The following WWOX variants were observed in gnomAD, a reference collection of about 807,000 sequenced individuals.
The protein encoded by WWOX is WW domain-containing oxidoreductase.
A neutral mutation model predicts 46.2 loss-of-function variants in WWOX; 69 were observed. The ratio of observed to expected loss-of-function variants is 1.49; its 90% CI spans 1.23 to 1.82. The LOEUF is 1.82. WWOX is among the 40% of genes most tolerant of loss of function. WWOX has a pLI of 0.00. For synonymous variants in WWOX, 359 were observed against 202.6 expected, an observed-to-expected ratio of 1.77 and a Z score of -6.56; for missense variants, 919 against 542.6, an observed-to-expected ratio of 1.69 and a Z score of -6.89.
At chr16:78,651,621 G>A (rs1306540048) in intron 8 of WWOX, among the ~76,000 whole-genome samples, 2 of 152,160 alleles carry the variant, frequency 1.3e-5, no homozygotes, top group East Asian at 3.9e-4. Context: ...CAGTGCTATT[G>A]CTCACACAGA....
chr16:78,627,828 G>A (rs2548864), intron 8 of WWOX, among the ~76,000 whole-genome samples: 4 of 152,226 alleles, frequency 2.6e-5, no homozygotes, highest in African/African-American at 9.6e-5. Context: ...CTGACAAGAT[G>A]ATGCCGACTT....
At chr16:78,969,718 A>G (rs1231062618) in intron 8 of WWOX, among the ~76,000 whole-genome samples, 1 of 152,220 alleles carries the variant, frequency 6.6e-6, no homozygotes, top group Non-Finnish European at 1.5e-5. Context: ...CATGTTGAAA[A>G]CATTGTACTA....
At chr16:78,750,715 G>A (rs951022167) in intron 8 of WWOX, among the ~76,000 whole-genome samples, 1 of 152,216 alleles carries the variant, frequency 6.6e-6, no homozygotes, top group Non-Finnish European at 1.5e-5. Flanking sequence ...GCAGTGTTGA[G>A]CTTCGACTTG....
At chr16:78,358,701 C>T (rs1355432441) in intron 5 of WWOX, among the ~76,000 whole-genome samples, 1 of 151,426 alleles carries the variant, frequency 6.6e-6, no homozygotes, top group Non-Finnish European at 1.5e-5. Flanking sequence ...TGTGTATGTA[C>T]ATGAATTATA....
intron 8 of WWOX, among the ~76,000 whole-genome samples, chr16:78,605,964 G>C (rs531935944): frequency 5.3e-5 from 8 of 152,330 alleles, no homozygotes; most frequent in African/African-American, 1.9e-4. Flanking sequence ...CATCTGAATT[G>C]AATGGGCAGC....
intron 8 of WWOX, among the ~76,000 whole-genome samples, chr16:78,733,637 T>C (rs1597511134): frequency 6.6e-6 from 1 of 151,180 alleles, no homozygotes; most frequent in African/African-American, 2.4e-5. Flanking sequence ...TGCCTGTAGT[T>C]CCAGCTACTC....
At chr16:78,671,112 C>G (rs2047453180) in intron 8 of WWOX, among the ~76,000 whole-genome samples, 1 of 152,144 alleles carries the variant, frequency 6.6e-6, no homozygotes, top group African/African-American at 2.4e-5. Context: ...CTCTGGCTTC[C>G]TGAACTGTGA....
intron 8 of WWOX, among the ~76,000 whole-genome samples, chr16:78,797,234 C>A (rs7184456): frequency 2.6e-5 from 4 of 151,546 alleles, no homozygotes; most frequent in African/African-American, 4.9e-5. Flanking sequence ...ATGAAGAGAA[C>A]CTGCTAAAGG....
At chr16:78,166,598 C>G (rs547485230) in intron 5 of WWOX, 1 of 149,356 alleles carries the variant, frequency 6.7e-6, no homozygotes, top group Non-Finnish European at 1.5e-5. Flanking sequence ...TTCACTCTGT[C>G]ACCAGGCTGG....
intron 5 of WWOX, among the ~76,000 whole-genome samples, chr16:78,285,649 G>A (rs1306662802): frequency 6.6e-6 from 1 of 152,176 alleles, no homozygotes; most frequent in African/African-American, 2.4e-5. Context: ...GGTAAGGACA[G>A]TGGTACCATT....
chr16:78,180,425 A>G (rs1256143360), intron 5 of WWOX, among the ~76,000 whole-genome samples: 1 of 152,024 alleles, frequency 6.6e-6, no homozygotes, highest in African/African-American at 2.4e-5. Context: ...GCTGCACCCA[A>G]GAGTAGGGGG....
At chr16:78,846,489 C>G (rs761154084) in intron 8 of WWOX, among the ~76,000 whole-genome samples, 1 of 151,904 alleles carries the variant, frequency 6.6e-6, no homozygotes, top group Non-Finnish European at 1.5e-5. Flanking sequence ...TTGTAGAATG[C>G]CCGTAATTTG....
At chr16:78,330,564 T>C (rs1329107671) in intron 5 of WWOX, among the ~76,000 whole-genome samples, 1 of 152,164 alleles carries the variant, frequency 6.6e-6, no homozygotes, top group South Asian at 2.1e-4. Flanking sequence ...CGCCAGCTAA[T>C]TTTTGTATTT....
intron 8 of WWOX, among the ~76,000 whole-genome samples, chr16:79,082,335 C>G (rs747328247): frequency 2.2e-4 from 34 of 152,274 alleles, no homozygotes; most frequent in Non-Finnish European, 4.3e-4. Context: ...CAGCGGAGTT[C>G]CAGAGCATCC....
chr16:78,651,481 G>T (rs1216988591), intron 8 of WWOX, among the ~76,000 whole-genome samples: 3 of 152,228 alleles, frequency 2.0e-5, no homozygotes, highest in Admixed American at 6.5e-5. Flanking sequence ...TGAGCAGATT[G>T]TTAAAATGGT....
At chr16:78,452,422 A>G (rs930960033) in intron 8 of WWOX, among the ~76,000 whole-genome samples, 8 of 151,522 alleles carry the variant, frequency 5.3e-5, no homozygotes, top group Non-Finnish European at 1.0e-4. Context: ...ATGTGTGTGT[A>G]CATGTAATCA....
intron 8 of WWOX, among the ~76,000 whole-genome samples, chr16:78,484,382 A>G (rs570694630): frequency 2.6e-4 from 40 of 152,226 alleles, no homozygotes; most frequent in African/African-American, 8.4e-4. Context: ...ACAGTTTGCT[A>G]TTGATCCAGC....
intron 8 of WWOX, among the ~76,000 whole-genome samples, chr16:78,627,060 C>G (rs1160364529): frequency 2.0e-5 from 3 of 152,114 alleles, no homozygotes; most frequent in Admixed American, 2.0e-4. Flanking sequence ...CATACATACA[C>G]AAAGGGCAGC....
chr16:78,201,674 A>ATTATTTATTTATTTAT (rs149809338), intron 5 of WWOX, among the ~76,000 whole-genome samples: 1 of 146,368 alleles, frequency 6.8e-6, no homozygotes, highest in African/African-American at 2.6e-5. Flanking sequence ...CATTCCTTGG[A>ATTATTTATTTATTTAT]TTATTTATTT....
Sources: gnomAD v4.1 joint callset for allele counts (sites outside exome capture counted in the v4.1 genomes callset) on GRCh38, gnomAD v4.1.1 for gene constraint, MANE v1.5 for transcripts, NCBI Gene and HGNC (gene_info 2026-07-23, HGNC 2026-07-21) for gene names.